DRC8: variants seen among roughly 807,000 people sequenced by gnomAD.
DRC8 encodes the protein dynein regulatory complex protein 8.
chr1:245,069,115 G>A, the DRC8 span, among the ~76,000 whole-genome samples: 1 of 152,182 alleles, frequency 6.6e-6, no homozygotes, highest in Middle Eastern at 3.4e-3. Context: ...CAACATGGGG[G>A]TTCAAGGCAC....
At chr1:245,016,284 G>T in the DRC8 span, among the ~76,000 whole-genome samples, 1 of 151,986 alleles carries the variant, frequency 6.6e-6, no homozygotes. Flanking sequence ...CCTAGCCAAG[G>T]CCTCTTTACA....
At chr1:244,972,514 T>C in the DRC8 span, among the ~76,000 whole-genome samples, 3 of 152,170 alleles carry the variant, frequency 2.0e-5, no homozygotes, top group Non-Finnish European at 4.4e-5. Context: ...TGTAGGTGAT[T>C]TGTATGTACA....
chr1:245,115,356 C>T, the DRC8 span, among the ~76,000 whole-genome samples: 4 of 152,146 alleles, frequency 2.6e-5, no homozygotes, highest in Non-Finnish European at 5.9e-5. Flanking sequence ...CTTTAAGTTA[C>T]TTATTTAAAA....
chr1:245,017,643 G>A, the DRC8 span, among the ~76,000 whole-genome samples: 2 of 152,284 alleles, frequency 1.3e-5, no homozygotes, highest in Middle Eastern at 3.4e-3. Flanking sequence ...GGAAATAGTC[G>A]TTGAGTGAAG....
At chr1:244,975,449 G>C in the DRC8 span, among the ~76,000 whole-genome samples, 2 of 152,202 alleles carry the variant, frequency 1.3e-5, no homozygotes, top group East Asian at 1.9e-4. Flanking sequence ...AACATAAGTA[G>C]CTTCAAGTTC....
chr1:245,003,312 G>T, the DRC8 span, among the ~76,000 whole-genome samples: 2 of 152,178 alleles, frequency 1.3e-5, no homozygotes, highest in African/African-American at 4.8e-5. Flanking sequence ...CTCAGAAGTG[G>T]AATTGCTAGA....
At chr1:244,988,899 A>G in the DRC8 span, among the ~76,000 whole-genome samples, 2 of 152,144 alleles carry the variant, frequency 1.3e-5, no homozygotes, top group Non-Finnish European at 2.9e-5. Flanking sequence ...GAAAAACTGA[A>G]TATTTGAGCA....
At chr1:245,002,254 T>G in the DRC8 span, 1 of 1,567,412 alleles carries the variant, frequency 6.4e-7, no homozygotes, top group Non-Finnish European at 8.7e-7. Flanking sequence ...TCATACCTCC[T>G]CCCCATCACT....
At chr1:245,007,834 A>C in the DRC8 span, among the ~76,000 whole-genome samples, 1 of 152,076 alleles carries the variant, frequency 6.6e-6, no homozygotes, top group Non-Finnish European at 1.5e-5. Flanking sequence ...ATGGGTAATG[A>C]CTTTGGGGTA....
chr1:245,120,167 A>AT, the DRC8 span, among the ~76,000 whole-genome samples: 18 of 151,816 alleles, frequency 1.2e-4, no homozygotes, highest in East Asian at 1.4e-3. Flanking sequence ...GTAAAAACTA[A>AT]TTTTTTTTTA....
chr1:245,029,175 A>G, the DRC8 span, among the ~76,000 whole-genome samples: 1 of 152,248 alleles, frequency 6.6e-6, no homozygotes, highest in Non-Finnish European at 1.5e-5. Context: ...TGGCATTGTG[A>G]CAAGAAAAAT....
chr1:245,083,878 G>A, the DRC8 span: 339,475 of 689,566 alleles, frequency 0.49, 86,867 homozygotes, highest in East Asian at 0.65. Flanking sequence ...GTAGGGAAAG[G>A]GGAGATGGGT....
At chr1:245,009,623 A>C in the DRC8 span, among the ~76,000 whole-genome samples, 1 of 151,666 alleles carries the variant, frequency 6.6e-6, no homozygotes, top group African/African-American at 2.4e-5. Context: ...GCCCGCCATC[A>C]TGCCCGGCTA....
the DRC8 span, among the ~76,000 whole-genome samples, chr1:244,990,888 A>G: frequency 6.6e-6 from 1 of 151,830 alleles, no homozygotes; most frequent in Admixed American, 6.6e-5. Context: ...TCTGGCACCA[A>G]ATGTGTGGGT....
the DRC8 span, among the ~76,000 whole-genome samples, chr1:245,023,973 C>A: frequency 6.6e-6 from 1 of 152,066 alleles, no homozygotes; most frequent in African/African-American, 2.4e-5. Flanking sequence ...AGTTCAAGAC[C>A]ACCCTGGCCA....
the DRC8 span, among the ~76,000 whole-genome samples, chr1:245,119,763 C>G: frequency 6.6e-6 from 1 of 152,012 alleles, no homozygotes; most frequent in South Asian, 2.1e-4. Flanking sequence ...GAAGCCCCGT[C>G]TCTACTAAAA....
chr1:245,101,510 A>G, the DRC8 span, among the ~76,000 whole-genome samples: 12 of 152,336 alleles, frequency 7.9e-5, no homozygotes, highest in African/African-American at 2.6e-4. Flanking sequence ...GTTGATGAAC[A>G]CTAGGTCTAT....
At chr1:245,043,445 A>AAAAG in the DRC8 span, among the ~76,000 whole-genome samples, 2 of 151,972 alleles carry the variant, frequency 1.3e-5, no homozygotes, top group Admixed American at 6.6e-5. Flanking sequence ...AGGAAAAAAA[A>AAAAG]AAAGAAAGAA....
At chr1:244,972,488 T>C in the DRC8 span, among the ~76,000 whole-genome samples, 5 of 152,326 alleles carry the variant, frequency 3.3e-5, no homozygotes, top group African/African-American at 1.2e-4. Flanking sequence ...TGAATCAGTC[T>C]TCATTTTAAC....
Sources: gnomAD v4.1 joint callset for allele counts (sites outside exome capture counted in the v4.1 genomes callset) on GRCh38, gnomAD v4.1.1 for gene constraint, MANE v1.5 for transcripts, NCBI Gene and HGNC (gene_info 2026-07-23, HGNC 2026-07-21) for gene names.